PRKCH: variants seen among roughly 807,000 people sequenced by gnomAD.
PRKCH encodes protein kinase C eta type.
In PRKCH, 28 loss-of-function variants were observed where a neutral mutation model predicts 82.5. That is an observed-to-expected ratio of 0.34 (90% CI 0.25 to 0.47). The LOEUF (loss-of-function observed/expected upper bound fraction) is 0.47, where lower values mean the gene tolerates loss of function less well. Ranked by LOEUF, PRKCH falls within the 20% of genes least tolerant of loss-of-function variation. The pLI, the probability that PRKCH is intolerant of heterozygous loss-of-function variation, is 1.00. For missense variants in PRKCH, 705 were observed against 881.8 expected (o/e 0.80, Z 2.54); for synonymous variants, 322 against 327.4 (o/e 0.98, Z 0.18).
intron 1 of PRKCH, among the ~76,000 whole-genome samples, chr14:61,254,773 G>A (rs1454669104): frequency 6.6e-6 from 1 of 152,174 alleles, no homozygotes; most frequent in Admixed American, 6.5e-5. Flanking sequence ...CTGGCTGTAT[G>A]AATATTTCTT....
rs139277314 is a variant in PRKCH at position 61,491,342 on chromosome 14, C to T, written c.1433+5686C>T. Among the ~76,000 whole-genome samples, 128 of 152,330 alleles carry T rather than the reference C, an allele frequency of 8.4e-4. 1 individual carries two copies. The highest frequency in any genetic ancestry group is 2.8e-3 in the African/African-American group (118 of 41,560). On this transcript the variant is annotated intron_variant, in intron 10 of 13. Transcript: ENST00000332981. ...TCTCTTGATTTGCGTACTGCAGAGA[C>T]TACTACAAATTGTCATTTGTTGTTT...
chr14:61,414,673 G>T (rs890589329), intron 2 of PRKCH, among the ~76,000 whole-genome samples: 2 of 150,120 alleles, frequency 1.3e-5, no homozygotes, highest in African/African-American at 4.9e-5. Context: ...TAGAGACGGG[G>T]TTTCATCATG....
intron 1 of PRKCH, among the ~76,000 whole-genome samples, chr14:61,267,265 A>G (rs2045111400): frequency 6.6e-6 from 1 of 152,234 alleles, no homozygotes; most frequent in Non-Finnish European, 1.5e-5. Context: ...TCGCATACTC[A>G]CATACAATTC....
At chr14:61,215,952 T>G (rs577288206) in intron 1 of PRKCH, among the ~76,000 whole-genome samples, 129 of 152,290 alleles carry the variant, frequency 8.5e-4, no homozygotes, top group African/African-American at 2.6e-3. Context: ...TTAAGACGCA[T>G]CCAGGAGAAC....
At chr14:61,528,521 CGCCAGGCATAATGGT>C (rs1402501234) in intron 10 of PRKCH, among the ~76,000 whole-genome samples, 3 of 152,268 alleles carry the variant, frequency 2.0e-5, no homozygotes, top group Admixed American at 6.5e-5. Flanking sequence ...GGCATAATGG[CGCCAGGCATAATGGT>C]GAACCGCATA....
At chr14:61,341,257 A>G (rs1012302969) in intron 1 of PRKCH, among the ~76,000 whole-genome samples, 6 of 152,202 alleles carry the variant, frequency 3.9e-5, no homozygotes, top group African/African-American at 1.4e-4. Flanking sequence ...TGGACAGACT[A>G]GGTTTTCTTG....
intron 1 of PRKCH, among the ~76,000 whole-genome samples, chr14:61,381,639 G>C (rs1484594368): frequency 6.6e-6 from 1 of 152,236 alleles, no homozygotes; most frequent in Non-Finnish European, 1.5e-5. Flanking sequence ...CCCTGCCCCA[G>C]CACAGACTTG....
At chr14:61,460,845 C>A (rs1479921076) in intron 9 of PRKCH, among the ~76,000 whole-genome samples, 3 of 152,166 alleles carry the variant, frequency 2.0e-5, no homozygotes, top group Non-Finnish European at 4.4e-5. Context: ...TTGCATTCCT[C>A]TAACTGTGAG....
chr14:61,456,351 G>A (rs1463552872), intron 7 of PRKCH, among the ~76,000 whole-genome samples: 1 of 152,190 alleles, frequency 6.6e-6, no homozygotes, highest in Non-Finnish European at 1.5e-5. Context: ...ATTCACTCCA[G>A]TGTTATTCAC....
chr14:61,404,495 T>G (rs1330030703), intron 2 of PRKCH, among the ~76,000 whole-genome samples: 2 of 118,466 alleles, frequency 1.7e-5, no homozygotes, highest in Non-Finnish European at 3.2e-5. Context: ...AGAGTATTTA[T>G]GTAGAAAACT....
At chr14:61,391,987 G>A (rs1383979749) in intron 2 of PRKCH, among the ~76,000 whole-genome samples, 2 of 152,092 alleles carry the variant, frequency 1.3e-5, no homozygotes, top group African/African-American at 4.8e-5. Flanking sequence ...TACCCTAGAA[G>A]TTCATATACA....
At chr14:61,479,038 C>A (rs60748038) in intron 9 of PRKCH, among the ~76,000 whole-genome samples, 2,751 of 152,234 alleles carry the variant, frequency 0.018, 80 homozygotes, top group African/African-American at 0.063. Flanking sequence ...CCAGCTCTCT[C>A]GGCTGATCTG....
At chr14:61,485,136 AC>A (rs1200188968) in intron 9 of PRKCH, among the ~76,000 whole-genome samples, 1 of 151,938 alleles carries the variant, frequency 6.6e-6, no homozygotes, top group East Asian at 1.9e-4. Flanking sequence ...TGGGTAATTA[AC>A]CCCACATGTT....
chr14:61,467,371 C>T (rs1403332260), intron 9 of PRKCH, among the ~76,000 whole-genome samples: 4 of 152,250 alleles, frequency 2.6e-5, no homozygotes, highest in African/African-American at 4.8e-5. Flanking sequence ...GGGGTCGTAG[C>T]GGGGCTGCAG....
intron 12 of PRKCH, chr14:61,545,338 T>C (rs1376791884): frequency 6.6e-6 from 1 of 152,218 alleles, no homozygotes; most frequent in Non-Finnish European, 1.5e-5. Context: ...TCTTCCAAGC[T>C]CTCACAGCAC....
At chr14:61,254,148 T>C (rs1324744680) in intron 1 of PRKCH, among the ~76,000 whole-genome samples, 2 of 152,084 alleles carry the variant, frequency 1.3e-5, no homozygotes, top group African/African-American at 2.4e-5. Context: ...TCAGTCTCTC[T>C]CATGTTTTAT....
At chr14:61,389,958 C>T (rs1309041422) in intron 1 of PRKCH, among the ~76,000 whole-genome samples, 1 of 152,154 alleles carries the variant, frequency 6.6e-6, no homozygotes, top group Admixed American at 6.5e-5. Context: ...ATATGCCAGT[C>T]TTCCTCTTCA....
chr14:61,234,459 A>T (rs1341191447), intron 1 of PRKCH, among the ~76,000 whole-genome samples: 3 of 152,142 alleles, frequency 2.0e-5, no homozygotes, highest in Non-Finnish European at 4.4e-5. Flanking sequence ...ACCAGAAAGC[A>T]GGGGAAACTC....
chr14:61,363,377 A>G (rs1289639176), intron 1 of PRKCH, among the ~76,000 whole-genome samples: 1 of 152,170 alleles, frequency 6.6e-6, no homozygotes, highest in African/African-American at 2.4e-5. Flanking sequence ...TCAATGTGAG[A>G]TGATGAATAT....
Sources: allele counts gnomAD v4.1 joint callset (sites outside exome capture counted in the v4.1 genomes callset), GRCh38; gene constraint gnomAD v4.1.1; transcripts MANE v1.5; gene names NCBI Gene and HGNC (gene_info 2026-07-23, HGNC 2026-07-21).